The following FUT8 variants were observed in gnomAD, a reference collection of about 807,000 sequenced individuals.
FUT8 encodes the protein fucosyltransferase 8, also known as alpha-(1,6)-fucosyltransferase.
FUT8 carries 29 observed loss-of-function variants against 71.3 expected under a neutral mutation model. The ratio of observed to expected loss-of-function variants is 0.41; its 90% CI spans 0.30 to 0.55. FUT8 has a LOEUF of 0.55. Among genes scored for constraint, FUT8 ranks in the 20% least tolerant of loss-of-function variants. FUT8 has a pLI of 0.34. For missense variants in FUT8, 544 were observed against 702.1 expected (o/e 0.77, Z 2.55); for synonymous variants, 254 against 239.3 (o/e 1.06, Z -0.57).
rs1889551766 is a variant in FUT8, at chr14:65,620,524, TA to T, written c.482+4153del. Among the ~76,000 whole-genome samples, 5 of 152,372 alleles carry T rather than the reference TA, an allele frequency of 3.3e-5. No individual in the cohort carries two copies. In the South Asian group the frequency reaches 8.3e-4, roughly 25 times the overall value. On this transcript the variant is annotated intron_variant, in intron 5 of 10. Transcript: ENST00000673929. ...GATAGAATAGCTTACAGATTTTTTT[TA>T]AGTTTATGATCATAGTTGTTGTTGC...
upstream of FUT8, among the ~76,000 whole-genome samples, chr14:65,405,625 T>G (rs1318093105): frequency 6.6e-6 from 1 of 152,172 alleles, no homozygotes; most frequent in Non-Finnish European, 1.5e-5. Flanking sequence ...GAAACAATAT[T>G]GGAAGGATAC....
intron 3 of FUT8, among the ~76,000 whole-genome samples, chr14:65,601,480 C>A (rs991196477): frequency 8.6e-5 from 13 of 151,900 alleles, no homozygotes; most frequent in Non-Finnish European, 7.4e-5. Context: ...AGAAGTGGTC[C>A]GAATTATGTT....
the FUT8 span, among the ~76,000 whole-genome samples, chr14:65,398,953 A>C: frequency 0.13 from 20,140 of 152,200 alleles, 1,733 homozygotes; most frequent in East Asian, 0.39. Context: ...AATCAAAACT[A>C]TCTGGGTTCA....
rs530596491 is a variant in FUT8, at chr14:65,526,697, G to A, written c.-227-34640G>A. On this transcript the variant is annotated intron_variant, in intron 2 of 10. Transcript: ENST00000673929. The stretch of plus-strand genomic sequence containing the variant: ...ATTTGGCATGTTTTTGCAGTGGCTG[G>A]TACTGGTTATTCCTTTCCATGTTTA... 6.4e-3 allele frequency among the ~76,000 whole-genome samples: 979 copies of A among 152,256 alleles called. 10 individuals carry two copies. The highest frequency in any genetic ancestry group is 8.2e-3 in the Non-Finnish European group (557 of 68,024).
the FUT8 span, among the ~76,000 whole-genome samples, chr14:65,358,127 T>C: frequency 6.6e-6 from 1 of 152,158 alleles, no homozygotes; most frequent in Non-Finnish European, 1.5e-5. Flanking sequence ...CATTACATGG[T>C]AGGGTGACTG....
chr14:65,598,841 A>T (rs1408842787), intron 3 of FUT8, among the ~76,000 whole-genome samples: 1 of 152,120 alleles, frequency 6.6e-6, no homozygotes, highest in Non-Finnish European at 1.5e-5. Flanking sequence ...GCCAGGCTGG[A>T]GTGCAGTGGC....
chr14:65,543,022 T>A (rs1431330758), intron 2 of FUT8, among the ~76,000 whole-genome samples: 2 of 152,298 alleles, frequency 1.3e-5, no homozygotes, highest in East Asian at 1.9e-4. Flanking sequence ...CCTCAGGTGA[T>A]CTGCCCGCCT....
chr14:65,629,622 T>G lies in FUT8; in HGVS notation c.597+16T>G. 109 of 1,541,000 alleles carry G rather than the reference T, an allele frequency of 7.1e-5. No individual in the cohort carries two copies. The highest frequency in any genetic ancestry group is 9.1e-5 in the Non-Finnish European group (101 of 1,113,868). ...ATATCTTCAGGTAAGAAGGTTGGGTTAAGAATAAATTTGAGTGAAAAAAAG... is the reference window on the plus strand; with the variant it reads ...ATATCTTCAGGTAAGAAGGTTGGGTGAAGAATAAATTTGAGTGAAAAAAAG... On this transcript the variant is annotated intron_variant, in intron 6 of 10. Transcript: ENST00000673929.
chr14:65,477,374 G>A (rs981664041), intron 2 of FUT8, among the ~76,000 whole-genome samples: 1 of 152,120 alleles, frequency 6.6e-6, no homozygotes, highest in African/African-American at 2.4e-5. Context: ...TATAGTTGTT[G>A]GAGACTATGA....
chr14:65,437,484 A>G (rs1035998830), intron 1 of FUT8, among the ~76,000 whole-genome samples: 11 of 152,154 alleles, frequency 7.2e-5, no homozygotes, highest in African/African-American at 2.7e-4. Context: ...TCTTATCACC[A>G]CTAACACCAC....
chr14:65,715,245 C>T (rs1048906032), intron 7 of FUT8, among the ~76,000 whole-genome samples: 5 of 152,092 alleles, frequency 3.3e-5, no homozygotes, highest in African/African-American at 7.2e-5. Flanking sequence ...TGTTGAGATA[C>T]GTTGCTTTTA....
chr14:65,699,100 A>C (rs913563737), intron 7 of FUT8, among the ~76,000 whole-genome samples: 1 of 150,046 alleles, frequency 6.7e-6, no homozygotes, highest in African/African-American at 2.5e-5. Context: ...TGAGGAATAC[A>C]CCTCTCGCTG....
chr14:65,369,740 C>T, the FUT8 span, among the ~76,000 whole-genome samples: 2 of 152,142 alleles, frequency 1.3e-5, no homozygotes, highest in African/African-American at 4.8e-5. This position sits in a 1 kb window ranked among gnomAD's most constrained non-coding sequence, Gnocchi z 4.6. Flanking sequence ...GGAGAGGAAC[C>T]CTTAGTTCCA....
chr14:65,645,654 A>G (rs546829210), intron 6 of FUT8, among the ~76,000 whole-genome samples: 51 of 152,362 alleles, frequency 3.3e-4, no homozygotes, highest in African/African-American at 1.2e-3. Context: ...CAGAAAAGGA[A>G]AAAATGGTTC....
chr14:65,618,892 C>T (rs1437634906), intron 5 of FUT8, among the ~76,000 whole-genome samples: 2 of 152,078 alleles, frequency 1.3e-5, no homozygotes, highest in Non-Finnish European at 2.9e-5. Context: ...TAGGGTTTTG[C>T]AGCCTTCTAC....
chr14:65,509,185 T>G (rs1882172707), intron 2 of FUT8, among the ~76,000 whole-genome samples: 1 of 152,178 alleles, frequency 6.6e-6, no homozygotes, highest in Non-Finnish European at 1.5e-5. Context: ...AGAAACTGTC[T>G]TTTCTGCCAT....
At chr14:65,683,900 T>G (rs1294768880) in intron 7 of FUT8, among the ~76,000 whole-genome samples, 1 of 151,948 alleles carries the variant, frequency 6.6e-6, no homozygotes, top group Non-Finnish European at 1.5e-5. Flanking sequence ...ATATAATCAT[T>G]AAACTAATTA....
chr14:65,588,222 A>C (rs1887495101), intron 3 of FUT8, among the ~76,000 whole-genome samples: 1 of 152,066 alleles, frequency 6.6e-6, no homozygotes, highest in Non-Finnish European at 1.5e-5. Context: ...AGCCATATAA[A>C]ATAAGTTCAT....
intron 2 of FUT8, among the ~76,000 whole-genome samples, chr14:65,557,601 G>A (rs1885662769): frequency 6.6e-6 from 1 of 151,312 alleles, no homozygotes; most frequent in African/African-American, 2.4e-5. Context: ...AAAGTGCTGG[G>A]ATTACAGGTG....
Sources: gnomAD v4.1 joint callset for allele counts (sites outside exome capture counted in the v4.1 genomes callset) on GRCh38, gnomAD v4.1.1 for gene constraint, Gnocchi (gnomAD v3.1) non-coding constraint, MANE v1.5 for transcripts, NCBI Gene and HGNC (gene_info 2026-07-23, HGNC 2026-07-21) for gene names.